Variants in ECT2 observed in about 807,000 individuals in gnomAD.
ECT2 encodes epithelial cell transforming 2.
In ECT2, 61 loss-of-function variants were observed where a neutral mutation model predicts 116.9. That is an observed-to-expected ratio of 0.52 (90% CI 0.42 to 0.65). The LOEUF (loss-of-function observed/expected upper bound fraction) is 0.65, where lower values mean the gene tolerates loss of function less well. ECT2 is among the 30% of genes least tolerant of loss of function. The pLI, the probability that ECT2 is intolerant of heterozygous loss-of-function variation, is 0.00. For missense variants in ECT2, 937 were observed against 1,078.7 expected, an observed-to-expected ratio of 0.87 and a Z score of 1.84; for synonymous variants, 358 against 346.4, an observed-to-expected ratio of 1.03 and a Z score of -0.37.
chr3:172,757,152 C>A lies in ECT2; in HGVS notation c.473C>A (p.Ser158Ter). ...GGACCACCAGTTGTATTAAATTGTT[C>A]ACAAAAAGGAGAGGTAAGCATATAC... ...VIGPPVVLNC[S>*]QKGEPLPFSC... The change falls in exon 5 of 25, where the codon TCA becomes TAA. Residue 158 changes from serine to a stop codon, truncating the protein, a stop_gained. Transcript: ENST00000392692. LOFTEE classifies it high-confidence loss of function. 6.7e-7 allele frequency: 1 copy of A among 1,496,574 alleles called. No individual in the cohort carries two copies. The highest frequency in any genetic ancestry group is 1.4e-5 in the South Asian group (1 of 69,460). 92.7% of individuals were successfully genotyped at this position (1,496,574 alleles called of 1,614,324 possible).
chr3:172,790,218 A>G (rs1221433279), intron 18 of ECT2, among the ~76,000 whole-genome samples: 3 of 152,132 alleles, frequency 2.0e-5, no homozygotes, highest in Non-Finnish European at 4.4e-5. Flanking sequence ...AATCCTTTCC[A>G]GTAGGTTTTC....
chr3:172,800,593 CT>C (rs1726537427), intron 18 of ECT2, among the ~76,000 whole-genome samples: 1 of 152,082 alleles, frequency 6.6e-6, no homozygotes, highest in Non-Finnish European at 1.5e-5. Flanking sequence ...TTATTTTTGA[CT>C]TTGACATTAT....
intron 18 of ECT2, 112 bp from the exon 19 acceptor site, chr3:172,802,504 G>A (rs1009335724): frequency 3.1e-6 from 2 of 643,374 alleles, no homozygotes; most frequent in East Asian, 6.1e-5. Context: ...TATTTTAACT[G>A]ATTCACTTAT....
chr3:172,778,860 G>T (rs1722223601), intron 14 of ECT2, among the ~76,000 whole-genome samples: 3 of 152,148 alleles, frequency 2.0e-5, no homozygotes, highest in Non-Finnish European at 2.9e-5. Context: ...CTCCCAAAGT[G>T]CTGGGATTAC....
intron 12 of ECT2, among the ~76,000 whole-genome samples, chr3:172,765,508 C>A (rs575905772): frequency 6.6e-6 from 1 of 152,206 alleles, no homozygotes; most frequent in African/African-American, 2.4e-5. Context: ...CTAAGATAAC[C>A]AAATTAGACC....
At chr3:172,761,182 C>T (rs879609042) in intron 7 of ECT2, among the ~76,000 whole-genome samples, 11 of 152,052 alleles carry the variant, frequency 7.2e-5, no homozygotes, top group East Asian at 1.9e-4. Flanking sequence ...TTTTCTTAGT[C>T]TCCCTTAGTG....
chr3:172,774,053 T>C (rs1174897196), intron 14 of ECT2, 31 bp downstream of exon 14: 1 of 1,591,960 alleles, frequency 6.3e-7, no homozygotes, highest in Non-Finnish European at 8.6e-7. Context: ...TTGGTAGTAA[T>C]TTTTTTCAGA....
intron 18 of ECT2, among the ~76,000 whole-genome samples, chr3:172,798,637 A>C (rs1726170232): frequency 6.6e-6 from 1 of 152,208 alleles, no homozygotes. Context: ...TCCAGACTTA[A>C]GAAAATCTCT....
intron 15 of ECT2, among the ~76,000 whole-genome samples, chr3:172,783,389 T>C (rs1395751706): frequency 6.6e-6 from 1 of 152,202 alleles, no homozygotes. Flanking sequence ...TTTCCTTTTC[T>C]TGTTTGCATT....
At chr3:172,764,239 C>A (rs1484960400) in intron 11 of ECT2, 39 bp from the exon 12 acceptor site, 1 of 1,552,334 alleles carries the variant, frequency 6.4e-7, no homozygotes, top group Non-Finnish European at 8.9e-7. Flanking sequence ...CAGTAAAGAA[C>A]CATGGAAGTA....
At chr3:172,761,358 T>A (rs1172361450) in intron 7 of ECT2, among the ~76,000 whole-genome samples, 1 of 152,168 alleles carries the variant, frequency 6.6e-6, no homozygotes, top group East Asian at 1.9e-4. Flanking sequence ...AATAGAAATT[T>A]AATAAAGATG....
the ECT2 span, among the ~76,000 whole-genome samples, chr3:172,827,608 G>A: frequency 0.025 from 3,802 of 152,228 alleles, 171 homozygotes; most frequent in African/African-American, 0.087. Context: ...GTAGAGTGAC[G>A]GTTACCAGAG....
In ECT2 at chr3:172,820,461, C is replaced by G; in HGVS notation, c.*224C>G. The G allele has an allele frequency of 3.0e-6, 1 of 329,416 alleles. No individual in the cohort carries two copies. Among genetic ancestry groups the G allele is most frequent in the Non-Finnish European group, 5.5e-6 (1 of 181,680 alleles). 20.4% of individuals were successfully genotyped at this position (329,416 alleles called of 1,614,324 possible). On this transcript the variant is annotated 3_prime_UTR_variant, in exon 25 of 25. Transcript: ENST00000392692. ...TGATAGTGATTTTGATGTAATTTAT[C>G]TCTTGTTTGAATCTGTCATTCAAAG...
At position 172,755,645 on chromosome 3, in the gene ECT2, G is replaced by A. The variant is rs201911155; in HGVS notation, c.303+70G>A. 4 of 847,078 alleles carry A rather than the reference G, an allele frequency of 4.7e-6. No homozygotes were observed. The East Asian group carries it at 1.1e-4, about 23-fold the overall frequency. 52.5% of individuals were successfully genotyped at this position (847,078 alleles called of 1,614,324 possible). ...TGATTGTATTATTCTACTTTCTGGT[G>A]ATTGGAATTAGGCACAAGGTGTATT... On this transcript the variant is annotated intron_variant, in intron 4 of 24. Transcript: ENST00000392692.
chr3:172,788,138 A>G (rs1032229554), intron 18 of ECT2, among the ~76,000 whole-genome samples: 8 of 152,206 alleles, frequency 5.3e-5, no homozygotes, highest in Non-Finnish European at 1.5e-5. Flanking sequence ...TACCAGATCT[A>G]AATTCTCGAG....
At position 172,764,486 on chromosome 3, in the gene ECT2, GCATTAA is replaced by G. The variant is rs1229059476; in HGVS notation, c.1279_1284del (p.Ile427_Asn428del). On this transcript the variant is annotated inframe_deletion, in exon 12 of 25. Coordinates refer to ENST00000392692, the MANE Select transcript of ECT2 (RefSeq NM_001258315.2). ...GATATCTCCAACACACCAGAGTCTA[GCATTAA>G]CTATGGAGGTAATTCACATTCTTAA... is the stretch of plus-strand genomic sequence containing the variant. The G allele has an allele frequency of 1.9e-6, 3 of 1,613,604 alleles. No individual in the cohort carries two copies. In the African/African-American group the frequency reaches 4.0e-5, roughly 22 times the overall value.
intron 15 of ECT2, among the ~76,000 whole-genome samples, chr3:172,783,063 C>CT (rs1559977733): frequency 6.6e-6 from 1 of 152,000 alleles, no homozygotes; most frequent in East Asian, 1.9e-4. Flanking sequence ...GCTGTCATGT[C>CT]TGTTTCTATT....
intron 18 of ECT2, among the ~76,000 whole-genome samples, chr3:172,786,853 ACT>A (rs1277325249): frequency 2.6e-5 from 4 of 152,048 alleles, no homozygotes; most frequent in Admixed American, 2.6e-4. Context: ...TCTTCATATA[ACT>A]CTAGTCATAG....
intron 7 of ECT2, 126 bp downstream of exon 7, chr3:172,760,389 A>G: frequency 2.0e-6 from 1 of 512,500 alleles, no homozygotes; most frequent in Non-Finnish European, 3.4e-6. Context: ...TGCTATGAAT[A>G]TATTTAGTAA....
Sources: gnomAD v4.1 joint callset for allele counts (sites outside exome capture counted in the v4.1 genomes callset) on GRCh38, gnomAD v4.1.1 for gene constraint, MANE v1.5 for transcripts, NCBI Gene and HGNC (gene_info 2026-07-23, HGNC 2026-07-21) for gene names.